ANKRD36C: variants seen among roughly 807,000 people sequenced by gnomAD.
The protein encoded by ANKRD36C is ankyrin repeat domain-containing protein 36C.
In ANKRD36C, 61 loss-of-function variants were observed where a neutral mutation model predicts 276.4. That is an observed-to-expected ratio of 0.22 (90% CI 0.18 to 0.27). ANKRD36C has a LOEUF of 0.27. Among genes scored for constraint, ANKRD36C ranks in the 10% least tolerant of loss-of-function variants. The pLI, the probability that ANKRD36C is intolerant of heterozygous loss-of-function variation, is 1.00. For missense variants in ANKRD36C, 1,447 were observed against 2,032.3 expected, an observed-to-expected ratio of 0.71 and a Z score of 5.54; for synonymous variants, 483 against 680.1, an observed-to-expected ratio of 0.71 and a Z score of 4.51.
At chr2:95,951,281 G>GAAAAAAAAAAAAA in intron 15 of ANKRD36C, 67 bp downstream of exon 15, 1 of 1,026,360 alleles carries the variant, frequency 9.7e-7, no homozygotes, top group Non-Finnish European at 1.3e-6. Flanking sequence ...GTTTCACAAA[G>GAAAAAAAAAAAAA]AAAAAAAAAA....
chr2:95,859,039 CT>C (rs1553396938), intron 61 of ANKRD36C, among the ~76,000 whole-genome samples: 4,499 of 145,606 alleles, frequency 0.031, 158 homozygotes, highest in African/African-American at 0.092. Context: ...AAACTGGATA[CT>C]TTTTTTTTTT....
intron 62 of ANKRD36C, among the ~76,000 whole-genome samples, 197 bp from the exon 83 acceptor site, chr2:95,856,377 T>G (rs1675412188): frequency 6.6e-6 from 1 of 152,174 alleles, no homozygotes; most frequent in Admixed American, 6.6e-5. Context: ...AAAGTTTATT[T>G]GAAGACAGTG....
At chr2:95,991,712 GGTCGGCTGCAAATT>G in exon 1 of ANKRD36C, 2 of 1,612,350 alleles carry the variant, frequency 1.2e-6, no homozygotes, top group Non-Finnish European at 1.7e-6. Flanking sequence ...CATCCATAAT[GGTCGGCTGCAAATT>G]GTAGCCTGCA....
chr2:95,970,516 C>T (rs1678676346), intron 6 of ANKRD36C, among the ~76,000 whole-genome samples: 1 of 152,106 alleles, frequency 6.6e-6, no homozygotes. Flanking sequence ...CATAAACTCA[C>T]TGGAGCTACC....
At chr2:95,949,216 C>G (rs1436810403) in intron 16 of ANKRD36C, among the ~76,000 whole-genome samples, 4 of 152,064 alleles carry the variant, frequency 2.6e-5, no homozygotes, top group African/African-American at 9.7e-5. Context: ...TACAAATGTA[C>G]TTTGGGAATA....
chr2:95,871,673 C>G (rs974119560), intron 59 of ANKRD36C, among the ~76,000 whole-genome samples: 2 of 151,880 alleles, frequency 1.3e-5, no homozygotes, highest in African/African-American at 4.8e-5. Context: ...ACAATATTAA[C>G]TTTAAATGTA....
chr2:95,857,435 T>A, exon 62 of ANKRD36C: 1 of 1,601,584 alleles, frequency 6.2e-7, no homozygotes, highest in Non-Finnish European at 8.5e-7. Flanking sequence ...TTTCCCTAAC[T>A]TTTTGGTGCA....
chr2:95,943,462 A>C (rs3098466), intron 19 of ANKRD36C, among the ~76,000 whole-genome samples: 35 of 149,050 alleles, frequency 2.3e-4, no homozygotes, highest in Non-Finnish European at 3.1e-4. Context: ...CCAGCCTGGG[A>C]GACAGAGCGA....
exon 56 of ANKRD36C, chr2:95,882,305 T>A: frequency 6.4e-7 from 1 of 1,550,422 alleles, no homozygotes; most frequent in Non-Finnish European, 8.7e-7. Flanking sequence ...AAATTACCTG[T>A]TCCAGATTTC....
At chr2:95,875,386 T>C (rs1244973254) in intron 59 of ANKRD36C, among the ~76,000 whole-genome samples, 1 of 151,820 alleles carries the variant, frequency 6.6e-6, no homozygotes, top group African/African-American at 2.4e-5. Context: ...TGTAGGGACA[T>C]GGATGAAATT....
At chr2:95,872,757 G>T (rs1446569967) in intron 59 of ANKRD36C, among the ~76,000 whole-genome samples, 1 of 149,958 alleles carries the variant, frequency 6.7e-6, no homozygotes, top group Admixed American at 6.7e-5. Flanking sequence ...CAACAAAATT[G>T]ATAGACAGCT....
chr2:95,964,642 C>G (rs1678549780), intron 6 of ANKRD36C, among the ~76,000 whole-genome samples: 1 of 152,060 alleles, frequency 6.6e-6, no homozygotes, highest in African/African-American at 2.4e-5. Context: ...GGCTTCCTCT[C>G]TCCCATAGAC....
intron 6 of ANKRD36C, among the ~76,000 whole-genome samples, chr2:95,973,411 C>CA (rs879822147): frequency 5.1e-4 from 73 of 142,344 alleles, no homozygotes; most frequent in African/African-American, 1.4e-3. Flanking sequence ...GACTCAGTCT[C>CA]AAAAAAAAAA....
chr2:95,923,548 T>A (rs1273282591), exon 32 of ANKRD36C: 1 of 1,610,906 alleles, frequency 6.2e-7, no homozygotes, highest in Non-Finnish European at 8.5e-7. Context: ...CAAAGCAGAA[T>A]CTGTCTTGTC....
chr2:95,873,364 T>C (rs1281243510), intron 59 of ANKRD36C, among the ~76,000 whole-genome samples: 1 of 152,198 alleles, frequency 6.6e-6, no homozygotes, highest in African/African-American at 2.4e-5. Flanking sequence ...TGCTTCAATA[T>C]ACGCAAATAA....
At position 95,894,685 on chromosome 2, in the gene ANKRD36C, T is replaced by C. The variant is rs542621775; in HGVS notation, c.2756-2825A>G. 4.0e-4 allele frequency among the ~76,000 whole-genome samples: 61 copies of C among 151,548 alleles called. 1 individual carries two copies. Among genetic ancestry groups the C allele is most frequent in the Admixed American group, 8.5e-4 (13 of 15,210 alleles). ...GCCAACGTATTCATATTCACGTTTA[T>C]CTCATTTCTATAACTAAAATCAACA... is the stretch of plus-strand genomic sequence containing the variant. On this transcript the variant is annotated intron_variant, in intron 44 of 66. Coordinates refer to ENST00000456556, the Ensembl canonical transcript of ANKRD36C.
chr2:95,854,588 CTG>C (rs1233468053), intron 63 of ANKRD36C, among the ~76,000 whole-genome samples: 1 of 151,932 alleles, frequency 6.6e-6, no homozygotes, highest in Non-Finnish European at 1.5e-5. Context: ...TATTTAAAAA[CTG>C]AAAGTAAATT....
chr2:95,893,877 C>T (rs539558884), intron 44 of ANKRD36C, among the ~76,000 whole-genome samples, 153 bp from the exon 63 acceptor site: 1 of 151,386 alleles, frequency 6.6e-6, no homozygotes, highest in Non-Finnish European at 1.5e-5. Flanking sequence ...TAGAACATGA[C>T]AGAAATACAC....
At chr2:95,884,759 G>C (rs576224443) in intron 52 of ANKRD36C, among the ~76,000 whole-genome samples, 2 of 152,034 alleles carry the variant, frequency 1.3e-5, no homozygotes, top group East Asian at 1.9e-4. Flanking sequence ...GAAATCAAAA[G>C]GATTTACACC....
Sources: allele counts gnomAD v4.1 joint callset (sites outside exome capture counted in the v4.1 genomes callset), GRCh38; gene constraint gnomAD v4.1.1; transcripts MANE v1.5; gene names NCBI Gene and HGNC (gene_info 2026-07-23, HGNC 2026-07-21).